TAB2: variants seen among roughly 807,000 people sequenced by gnomAD.
The protein encoded by TAB2 is TGF-beta-activated kinase 1 and MAP3K7-binding protein 2.
In TAB2, 3 loss-of-function variants were observed where a neutral mutation model predicts 65.0. The ratio of observed to expected loss-of-function variants is 0.05; its 90% CI spans 0.02 to 0.12. The LOEUF (loss-of-function observed/expected upper bound fraction) is 0.12. Ranked by LOEUF, TAB2 falls within the 10% of genes least tolerant of loss-of-function variation. The pLI, the probability that TAB2 is intolerant of heterozygous loss-of-function variation, is 1.00. For missense variants in TAB2, 623 were observed against 840.3 expected, an observed-to-expected ratio of 0.74 and a Z score of 3.20; for synonymous variants, 298 against 285.1, an observed-to-expected ratio of 1.05 and a Z score of -0.46.
intron 1 of TAB2, among the ~76,000 whole-genome samples, chr6:149,328,859 T>A (rs779637096): frequency 2.6e-5 from 4 of 152,100 alleles, no homozygotes; most frequent in Non-Finnish European, 5.9e-5. Context: ...GATGAAAGGA[T>A]ATGACAGGGA....
intron 1 of TAB2, among the ~76,000 whole-genome samples, chr6:149,332,529 T>G (rs1420425538): frequency 2.6e-5 from 4 of 152,206 alleles, no homozygotes; most frequent in Admixed American, 2.6e-4. Context: ...TAGTCATACT[T>G]ATTTGATAGG....
chr6:149,275,846 A>G (rs1778461812), intron 1 of TAB2, among the ~76,000 whole-genome samples: 1 of 152,214 alleles, frequency 6.6e-6, no homozygotes, highest in African/African-American at 2.4e-5. Context: ...CAACAGTGGG[A>G]CGTTTCCAAA....
chr6:149,396,270 G>T (rs1046149119), intron 3 of TAB2, among the ~76,000 whole-genome samples: 2 of 152,122 alleles, frequency 1.3e-5, no homozygotes, highest in African/African-American at 4.8e-5. Context: ...CACCCTTCTC[G>T]GCCTCCCCAA....
At chr6:149,362,441 A>G (rs1477697130) in intron 1 of TAB2, among the ~76,000 whole-genome samples, 4 of 152,074 alleles carry the variant, frequency 2.6e-5, no homozygotes, top group African/African-American at 9.7e-5. Flanking sequence ...TCTCACAAGA[A>G]CTCACTATCC....
rs1208076524 is a variant in TAB2 at position 149,276,875 on chromosome 6, C to G, written c.-121+58099C>G. Among the ~76,000 whole-genome samples the G allele has an allele frequency of 5.9e-5, 9 of 152,222 alleles. No individual in the cohort carries two copies. In the East Asian group the frequency reaches 1.7e-3, roughly 29 times the overall value. On this transcript the variant is annotated intron_variant, in intron 1 of 1. Transcript: ENST00000606202. Reference sequence around the variant, plus strand: ...GGCTGTGTCCCCACCCAAATATCATCTTGATTTGTAGCTCCCATAATTCCC... The same window carrying G: ...GGCTGTGTCCCCACCCAAATATCATGTTGATTTGTAGCTCCCATAATTCCC...
chr6:149,310,652 T>A (rs1372211668), intron 1 of TAB2, among the ~76,000 whole-genome samples: 1 of 152,150 alleles, frequency 6.6e-6, no homozygotes, highest in African/African-American at 2.4e-5. Flanking sequence ...TCTCTGTAAG[T>A]TTGGCCTCTC....
intron 1 of TAB2, among the ~76,000 whole-genome samples, chr6:149,322,148 G>T (rs904750540): frequency 2.6e-5 from 4 of 151,902 alleles, no homozygotes; most frequent in Non-Finnish European, 5.9e-5. Context: ...GACTCTTCCA[G>T]ATGCTGGAGG....
At chr6:149,350,773 C>T (rs193226853) in intron 1 of TAB2, among the ~76,000 whole-genome samples, 1 of 151,926 alleles carries the variant, frequency 6.6e-6, no homozygotes, top group East Asian at 1.9e-4. Context: ...TGCCACCATG[C>T]CCAGCTTACT....
intron 1 of TAB2, chr6:149,318,676 G>T (rs1198591806): frequency 6.6e-6 from 1 of 152,334 alleles, no homozygotes; most frequent in African/African-American, 2.4e-5. Context: ...AGTCAGGGAG[G>T]CTGCAAGGGT....
At chr6:149,387,155 C>G (rs1781833098) in intron 3 of TAB2, among the ~76,000 whole-genome samples, 1 of 152,034 alleles carries the variant, frequency 6.6e-6, no homozygotes, top group South Asian at 2.1e-4. Context: ...GTTTGGTGTC[C>G]TAAGAAACAG....
At chr6:149,391,078 T>C (rs539758248) in intron 3 of TAB2, among the ~76,000 whole-genome samples, 1 of 152,204 alleles carries the variant, frequency 6.6e-6, no homozygotes, top group Admixed American at 6.5e-5. Flanking sequence ...TAATGAGACT[T>C]GGGAGGTAAA....
chr6:149,281,780 GAGAAAA>G (rs1343648279), intron 1 of TAB2, among the ~76,000 whole-genome samples: 4 of 151,422 alleles, frequency 2.6e-5, no homozygotes, highest in African/African-American at 9.7e-5. Context: ...TAAAAAAGAA[GAGAAAA>G]AGAAAAAGGC....
chr6:149,371,927 C>T (rs114669690), intron 2 of TAB2, among the ~76,000 whole-genome samples: 2,398 of 152,062 alleles, frequency 0.016, 52 homozygotes, highest in South Asian at 0.097. Context: ...TAGTCTCCCC[C>T]CTAGAACCCA....
intron 1 of TAB2, among the ~76,000 whole-genome samples, chr6:149,296,158 A>G (rs1165550586): frequency 1.3e-5 from 2 of 152,248 alleles, no homozygotes; most frequent in African/African-American, 2.4e-5. Flanking sequence ...ACTTTGCTCA[A>G]GAAAGGATCT....
chr6:149,403,823 C>G (rs762544574), intron 6 of TAB2, among the ~76,000 whole-genome samples: 1 of 151,984 alleles, frequency 6.6e-6, no homozygotes, highest in Middle Eastern at 3.2e-3. Context: ...GAACTCAGAG[C>G]AATATCTCAC....
intron 1 of TAB2, chr6:149,253,162 C>G (rs1777894805): frequency 6.6e-6 from 1 of 152,252 alleles, no homozygotes; most frequent in African/African-American, 2.4e-5. Flanking sequence ...TTCCCTTTCC[C>G]CTTGTCAGTA....
intron 6 of TAB2, chr6:149,400,307 C>T (rs1782330094): frequency 1.4e-6 from 2 of 1,464,190 alleles, no homozygotes; most frequent in Non-Finnish European, 9.3e-7. Flanking sequence ...CCTCCTGCTG[C>T]TCTTCCTGCT....
At position 149,410,007 on chromosome 6, in the gene TAB2, G is replaced by A; in HGVS notation, c.*288G>A. The A allele has an allele frequency of 2.2e-6, 1 of 461,636 alleles. No homozygotes were observed. The allele number at this position is 461,636 out of a possible 1,614,324, so 28.6% of individuals were successfully genotyped here. A position where few individuals can be genotyped will look rare whatever the true frequency, so the allele number is the denominator to read the frequency against. ...TCCCATTATGGATAATTCTCAATAT[G>A]TTAACACCTAGGTGTTCCCAATACC... On this transcript the variant is annotated 3_prime_UTR_variant, in exon 7 of 7. Transcript: ENST00000637181.
intron 1 of TAB2, among the ~76,000 whole-genome samples, chr6:149,228,737 C>T (rs1277928930): frequency 2.6e-5 from 4 of 152,252 alleles, no homozygotes; most frequent in Non-Finnish European, 4.4e-5. Context: ...CTCTCTAAAT[C>T]AACCCTTTAA....
Sources: gnomAD v4.1 joint callset for allele counts (sites outside exome capture counted in the v4.1 genomes callset) on GRCh38, gnomAD v4.1.1 for gene constraint, MANE v1.5 for transcripts, NCBI Gene and HGNC (gene_info 2026-07-23, HGNC 2026-07-21) for gene names.